Variants in LDAF1 observed in about 807,000 individuals in gnomAD.
LDAF1 encodes lipid droplet assembly factor 1.
In LDAF1, 7 loss-of-function variants were observed where a neutral mutation model predicts 13.5. That is an observed-to-expected ratio of 0.52 (90% CI 0.29 to 0.97). LDAF1 has a LOEUF of 0.97. Ranked by LOEUF, LDAF1 falls within the 50% of genes least tolerant of loss-of-function variation. The pLI is 0.07. For synonymous variants in LDAF1, 69 were observed against 77.1 expected (o/e 0.89, Z 0.55); for missense variants, 148 against 193.2 (o/e 0.77, Z 1.39).
chr16:21,168,063 G>A (rs1417977032), intron 2 of LDAF1, among the ~76,000 whole-genome samples: 1 of 151,002 alleles, frequency 6.6e-6, no homozygotes, highest in Non-Finnish European at 1.5e-5. Flanking sequence ...CATCCAGGCT[G>A]GAGTGCAATG....
rs750272836 is a variant in LDAF1 at position 21,170,422 on chromosome 16, G to T, written c.97-15G>T. On this transcript the variant is annotated splice_polypyrimidine_tract_variant and intron_variant, in intron 2 of 4. Transcript: ENST00000233047. ...ATGTGTTACTTATCCCTGGCTCTTT[G>T]TCCTTTGCCTACAGGTGGTGGCCTT... 5.6e-6 allele frequency: 9 copies of T among 1,613,748 alleles called. No individual in the cohort carries two copies. The African/African-American group carries it at 9.3e-5, about 17-fold the overall frequency.
chr16:21,169,159 C>T, intron 2 of LDAF1: 1 of 983,902 alleles, frequency 1.0e-6, no homozygotes, highest in Non-Finnish European at 1.2e-6. Flanking sequence ...GCTTTTAATG[C>T]TGAGATTTTG....
At position 21,180,379 on chromosome 16, in the gene LDAF1, C is replaced by T. The variant is rs1160080968; in HGVS notation, c.*823C>T. The stretch of plus-strand genomic sequence containing the variant: ...TCCCAAGTAGCTGGGATTACAGGCA[C>T]CCGCCACCGTGCCCGGCTAGTTTTT... On this transcript the variant is annotated 3_prime_UTR_variant, in exon 5 of 5. Coordinates refer to ENST00000233047, the MANE Select transcript of LDAF1 (RefSeq NM_001301771.2). 1 of 151,552 alleles carries T rather than the reference C, an allele frequency of 6.6e-6. No individual in the cohort carries two copies. The highest frequency in any genetic ancestry group is 1.5e-5 in the Non-Finnish European group (1 of 67,910). The allele number at this position is 151,552 out of a possible 1,614,324, so 9.4% of individuals were successfully genotyped here. A position where few individuals can be genotyped will look rare whatever the true frequency, so the allele number is the denominator to read the frequency against.
intron 2 of LDAF1, among the ~76,000 whole-genome samples, chr16:21,168,765 A>C (rs2093052884): frequency 7.6e-6 from 1 of 131,700 alleles, no homozygotes; most frequent in Admixed American, 7.9e-5. Context: ...TATAATTATA[A>C]ATATTTTTAT....
intron 1 of LDAF1, chr16:21,159,545 C>G: frequency 9.1e-7 from 1 of 1,102,248 alleles, no homozygotes; most frequent in Non-Finnish European, 1.3e-6. Context: ...TATTTGGAGC[C>G]TTGGAAGGGG....
At chr16:21,163,285 C>T (rs1247970516) in intron 2 of LDAF1, among the ~76,000 whole-genome samples, 1 of 152,156 alleles carries the variant, frequency 6.6e-6, no homozygotes, top group African/African-American at 2.4e-5. Context: ...TGCTTGACCT[C>T]AGCTGGGAAT....
chr16:21,174,354 TA>T (rs999541530), intron 4 of LDAF1, among the ~76,000 whole-genome samples: 8 of 152,074 alleles, frequency 5.3e-5, no homozygotes, highest in African/African-American at 1.9e-4. Context: ...CATGCCCGGC[TA>T]ATTTTAATAT....
chr16:21,166,522 T>C (rs907348528), intron 2 of LDAF1, among the ~76,000 whole-genome samples: 3 of 152,198 alleles, frequency 2.0e-5, no homozygotes, highest in Non-Finnish European at 4.4e-5. Flanking sequence ...AGGTGGCCTG[T>C]GATGGACAGC....
chr16:21,179,734 G>A lies in LDAF1; in HGVS notation c.*178G>A. ...AATTTAGGGATTGTGTTGTTCTTGTGTTGGTTCCCATGTAAAGAAGCAGCA... is the reference window on the plus strand; with the variant it reads ...AATTTAGGGATTGTGTTGTTCTTGTATTGGTTCCCATGTAAAGAAGCAGCA... On this transcript the variant is annotated 3_prime_UTR_variant, in exon 5 of 5. Transcript: ENST00000233047. The A allele has an allele frequency of 1.7e-6, 1 of 571,572 alleles. No individual in the cohort carries two copies. Among genetic ancestry groups the A allele is most frequent in the South Asian group, 2.1e-5 (1 of 47,036 alleles). The allele number at this position is 571,572 out of a possible 1,614,324, so 35.4% of individuals were successfully genotyped here. A position where few individuals can be genotyped will look rare whatever the true frequency, so the allele number is the denominator to read the frequency against.
In LDAF1 at chr16:21,161,192, G is replaced by C; in HGVS notation, c.10G>C (p.Glu4Gln). Residue 4 changes from glutamate to glutamine, a missense_variant, in exon 2 of 5, where the codon GAG becomes CAG. Physicochemically the swap from Glu to Gln is conservative, Grantham distance 29. Coordinates refer to ENST00000233047, the MANE Select transcript of LDAF1 (RefSeq NM_001301771.2). The part of the protein sequence containing the change: MAK[E>Q]EPQSISRDLQ... ...TGAAGTGAGCTTCAGAATGGCAAAAGAGGAGCCCCAGAGTATCTCAAGGGA... is the reference window on the plus strand; with the variant it reads ...TGAAGTGAGCTTCAGAATGGCAAAACAGGAGCCCCAGAGTATCTCAAGGGA... The C allele has an allele frequency of 6.2e-7, 1 of 1,614,182 alleles. No homozygotes were observed. Among genetic ancestry groups the C allele is most frequent in the Non-Finnish European group, 8.5e-7 (1 of 1,180,034 alleles).
rs767486069 is a variant in LDAF1 at position 21,170,623 on chromosome 16, T to G, written c.265+18T>G. On this transcript the variant is annotated intron_variant, in intron 3 of 4. Transcript: ENST00000233047. ...ATTGGAAGGTAGCCTGTTCCGTCAT[T>G]CACCCCTTTAGAAAATAATTCAATT... 15 of 1,613,670 alleles carry G rather than the reference T, an allele frequency of 9.3e-6. No individual in the cohort carries two copies. The South Asian group carries it at 1.6e-4, about 18-fold the overall frequency.
chr16:21,179,852 C>A lies in LDAF1; in HGVS notation c.*296C>A. 1 of 277,640 alleles carries A rather than the reference C, an allele frequency of 3.6e-6. No individual in the cohort carries two copies. The highest frequency in any genetic ancestry group is 6.8e-6 in the Non-Finnish European group (1 of 147,600). The allele number at this position is 277,640 out of a possible 1,614,324, so 17.2% of individuals were successfully genotyped here. A position where few individuals can be genotyped will look rare whatever the true frequency, so the allele number is the denominator to read the frequency against. Reference sequence around the variant, plus strand: ...GGCTTCTAGAGTCTAGCCCGTTGACCCCAAAGCCTCAGGGCTTATGTCCAA... The same window carrying A: ...GGCTTCTAGAGTCTAGCCCGTTGACACCAAAGCCTCAGGGCTTATGTCCAA... On this transcript the variant is annotated 3_prime_UTR_variant, in exon 5 of 5. Transcript: ENST00000233047.
intron 2 of LDAF1, among the ~76,000 whole-genome samples, chr16:21,168,860 T>A (rs1469496925): frequency 7.4e-6 from 1 of 134,572 alleles, no homozygotes; most frequent in Non-Finnish European, 1.5e-5. Flanking sequence ...TTTTTATATT[T>A]TATATTTATA....
At chr16:21,161,956 G>A (rs1306164906) in intron 2 of LDAF1, among the ~76,000 whole-genome samples, 1 of 152,050 alleles carries the variant, frequency 6.6e-6, no homozygotes, top group African/African-American at 2.4e-5. Flanking sequence ...TCAGAAGTTC[G>A]AGATCAGCCT....
At position 21,161,185 on chromosome 16, in the gene LDAF1, G is replaced by GGA; in HGVS notation, c.4_5insAG (p.Ala2GlufsTer23). ...AAGAGATTGAAGTGAGCTTCAGAATGGCAAAAGAGGAGCCCCAGAGTATCT... is the reference window on the plus strand; with the variant it reads ...AAGAGATTGAAGTGAGCTTCAGAATGGAGCAAAAGAGGAGCCCCAGAGTATCT... On this transcript the variant is annotated frameshift_variant, in exon 2 of 5. Coordinates refer to ENST00000233047, the MANE Select transcript of LDAF1 (RefSeq NM_001301771.2). LOFTEE classifies it high-confidence loss of function. The GGA allele has an allele frequency of 6.2e-7, 1 of 1,614,074 alleles. No individual in the cohort carries two copies. Among genetic ancestry groups the GGA allele is most frequent in the South Asian group, 1.1e-5 (1 of 91,046 alleles).
chr16:21,178,514 G>GCCAGTGTGGTATCAA (rs2093158805), intron 4 of LDAF1: 1 of 451,856 alleles, frequency 2.2e-6, no homozygotes. Flanking sequence ...ACAGCCCAGG[G>GCCAGTGTGGTATCAA]CTGGTGCAGC....
chr16:21,167,506 C>T (rs2093035273), intron 2 of LDAF1, among the ~76,000 whole-genome samples: 1 of 152,194 alleles, frequency 6.6e-6, no homozygotes, highest in Non-Finnish European at 1.5e-5. Context: ...CAGTCTCCCT[C>T]CATTGAGTCA....
rs150692404 is a variant in LDAF1 at position 21,179,845 on chromosome 16, C to T, written c.*289C>T. On this transcript the variant is annotated 3_prime_UTR_variant, in exon 5 of 5. Coordinates refer to ENST00000233047, the MANE Select transcript of LDAF1 (RefSeq NM_001301771.2). ...GGTCCTGGGCTTCTAGAGTCTAGCC[C>T]GTTGACCCCAAAGCCTCAGGGCTTA... 1.2e-3 allele frequency: 363 copies of T among 294,920 alleles called. 2 individuals are homozygous for T. Among genetic ancestry groups the T allele is most frequent in the Middle Eastern group, 2.0e-3 (2 of 994 alleles). 18.3% of individuals were successfully genotyped at this position (294,920 alleles called of 1,614,324 possible).
chr16:21,172,525 G>A (rs1597557028), intron 3 of LDAF1, among the ~76,000 whole-genome samples: 3 of 152,138 alleles, frequency 2.0e-5, no homozygotes, highest in Non-Finnish European at 4.4e-5. Flanking sequence ...TACTCAGAAG[G>A]CTGAGGTGAC....
Sources: gnomAD v4.1 joint callset for allele counts (sites outside exome capture counted in the v4.1 genomes callset) on GRCh38, gnomAD v4.1.1 for gene constraint, MANE v1.5 for transcripts, NCBI Gene and HGNC (gene_info 2026-07-23, HGNC 2026-07-21) for gene names.